Variants in CBFA2T2 observed in about 807,000 individuals in gnomAD.
The protein encoded by CBFA2T2 is CBFA2/RUNX1 partner transcriptional co-repressor 2, also known as protein CBFA2T2.
CBFA2T2 carries 11 observed loss-of-function variants against 62.2 expected under a neutral mutation model. That is an observed-to-expected ratio of 0.18 (90% confidence interval 0.11 to 0.29). The LOEUF (loss-of-function observed/expected upper bound fraction) is 0.29. CBFA2T2 is among the 10% of genes least tolerant of loss of function. The probability of loss-of-function intolerance (pLI) is 1.00; values close to 1 mark genes in which losing one functional copy is unlikely to be tolerated. For missense variants in CBFA2T2, 592 were observed against 774.1 expected, an observed-to-expected ratio of 0.76 and a Z score of 2.79; for synonymous variants, 295 against 287.5, an observed-to-expected ratio of 1.03 and a Z score of -0.27.
At chr20:33,569,560 A>T (rs1794644809) in intron 1 of CBFA2T2, among the ~76,000 whole-genome samples, 1 of 151,930 alleles carries the variant, frequency 6.6e-6, no homozygotes, top group African/African-American at 2.4e-5. Flanking sequence ...GTTGTTATTG[A>T]CTCCTGATGA....
chr20:33,563,840 G>T (rs971261123), intron 1 of CBFA2T2, among the ~76,000 whole-genome samples: 3 of 152,072 alleles, frequency 2.0e-5, no homozygotes, highest in Admixed American at 6.6e-5. Context: ...AATGGGTCTG[G>T]CCTGTAGTTC....
rs1478310686 is a variant in CBFA2T2, at chr20:33,623,256, A to G, written c.652A>G (p.Met218Val). Residue 218 changes from methionine to valine, a missense_variant, in exon 5 of 11, where the codon ATG becomes GTG. Coordinates refer to ENST00000342704, the MANE Select transcript of CBFA2T2 (RefSeq NM_001032999.3). ...GCCTGCTGACTCGTCAGAGTTGCTC[A>G]TGGAGGTGCACGGAAATGGGAAGAG... is the stretch of plus-strand genomic sequence containing the variant. ...ASPADSSELL[M>V]EVHGNGKRPS... 1.2e-6 allele frequency: 2 copies of G among 1,614,114 alleles called. No individual in the cohort carries two copies. The highest frequency in any genetic ancestry group is 1.7e-6 in the Non-Finnish European group (2 of 1,180,044).
intron 10 of CBFA2T2, among the ~76,000 whole-genome samples, chr20:33,641,921 G>A (rs1283702606): frequency 1.3e-5 from 2 of 150,452 alleles, no homozygotes; most frequent in African/African-American, 2.5e-5. Context: ...TAATTTAAAT[G>A]GTCCATTTCA....
chr20:33,649,438 C>A lies in CBFA2T2; in HGVS notation c.*4792C>A, dbSNP rs532865850. The A allele has an allele frequency of 6.5e-6, 1 of 152,792 alleles. No homozygotes were observed. Among genetic ancestry groups the A allele is most frequent in the African/African-American group, 2.4e-5 (1 of 41,580 alleles). 9.5% of individuals were successfully genotyped at this position (152,792 alleles called of 1,614,324 possible). ...TTTCCAAAGATGATGGTGCAGGTGA[C>A]CTTTTCCATCGTGAGCTAAGAGAAG... On this transcript the variant is annotated 3_prime_UTR_variant, in exon 11 of 11. Coordinates refer to ENST00000342704, the MANE Select transcript of CBFA2T2 (RefSeq NM_001032999.3).
chr20:33,546,698 T>C (rs2012581082), intron 1 of CBFA2T2, among the ~76,000 whole-genome samples: 1 of 151,984 alleles, frequency 6.6e-6, no homozygotes, highest in South Asian at 2.1e-4. Flanking sequence ...TCTCCCTCTG[T>C]TTCCCAGGCT....
chr20:33,600,357 A>G (rs1268270699), intron 1 of CBFA2T2: 3 of 236,516 alleles, frequency 1.3e-5, no homozygotes, highest in South Asian at 7.2e-5. Context: ...ATGCCCAGCT[A>G]ATTTTTGTTT....
chr20:33,581,490 GTGTGTGTGTGTC>G (rs1363592932), intron 1 of CBFA2T2, among the ~76,000 whole-genome samples: 1 of 152,120 alleles, frequency 6.6e-6, no homozygotes, highest in Non-Finnish European at 1.5e-5. Flanking sequence ...TTGTGTGTGT[GTGTGTGTGTGTC>G]TGTGTGTTTG....
At chr20:33,542,967 TTTC>T (rs1287331024) in intron 1 of CBFA2T2, among the ~76,000 whole-genome samples, 1 of 146,738 alleles carries the variant, frequency 6.8e-6, no homozygotes, top group African/African-American at 2.5e-5. Flanking sequence ...TGCCCGGCTA[TTTC>T]TTACTAATAC....
intron 1 of CBFA2T2, among the ~76,000 whole-genome samples, chr20:33,498,224 G>A (rs1052485770): frequency 4.7e-5 from 7 of 150,236 alleles, no homozygotes; most frequent in African/African-American, 1.5e-4. Context: ...GAACCACTGT[G>A]CCTGGCCCAG....
rs527743791 is a variant in CBFA2T2, at chr20:33,647,354, G to A, written c.*2708G>A. 8 of 152,174 alleles carry A rather than the reference G, an allele frequency of 5.3e-5. No homozygotes were observed. The highest frequency in any genetic ancestry group is 1.7e-4 in the African/African-American group (7 of 41,410). The allele number at this position is 152,174 out of a possible 1,614,324, so 9.4% of individuals were successfully genotyped here. A position where few individuals can be genotyped will look rare whatever the true frequency, so the allele number is the denominator to read the frequency against. On this transcript the variant is annotated 3_prime_UTR_variant, in exon 11 of 11. Coordinates refer to ENST00000342704, the MANE Select transcript of CBFA2T2 (RefSeq NM_001032999.3). ...GGCTGGAGTGCAATCGCGCAATCTC[G>A]GCTCACGGTAACCTCTGCCTCCCAG...
chr20:33,502,475 C>CG (rs1212164592), intron 1 of CBFA2T2, among the ~76,000 whole-genome samples: 31 of 151,642 alleles, frequency 2.0e-4, no homozygotes, highest in Non-Finnish European at 4.0e-4. Context: ...GGCCCGATCT[C>CG]GGCTCACTGC....
chr20:33,519,986 A>G (rs144661573), intron 1 of CBFA2T2, among the ~76,000 whole-genome samples: 1 of 152,160 alleles, frequency 6.6e-6, no homozygotes, highest in South Asian at 2.1e-4. Context: ...CATCTCTACT[A>G]AAAATAAAAA....
intron 10 of CBFA2T2, among the ~76,000 whole-genome samples, chr20:33,643,795 AT>A: frequency 8.9e-5 from 2 of 22,366 alleles, no homozygotes; most frequent in African/African-American, 2.0e-4. Context: ...ATATATATAT[AT>A]ATATATATAT....
At chr20:33,572,500 A>G (rs1287346502) in intron 1 of CBFA2T2, among the ~76,000 whole-genome samples, 1 of 152,224 alleles carries the variant, frequency 6.6e-6, no homozygotes, top group Non-Finnish European at 1.5e-5. Context: ...ACAAAAAAAT[A>G]TGTATATGAA....
At chr20:33,569,925 G>A (rs898314205) in intron 1 of CBFA2T2, among the ~76,000 whole-genome samples, 1 of 152,072 alleles carries the variant, frequency 6.6e-6, no homozygotes, top group African/African-American at 2.4e-5. Flanking sequence ...CAGGCCCTAT[G>A]GTGTGTGCCT....
chr20:33,639,319 A>G (rs2016737779), intron 9 of CBFA2T2: 1 of 152,430 alleles, frequency 6.6e-6, no homozygotes, highest in African/African-American at 2.4e-5. Context: ...TCATGCCTGT[A>G]ATCCCAGCAC....
At chr20:33,547,695 G>A (rs2012621010) in intron 1 of CBFA2T2, among the ~76,000 whole-genome samples, 1 of 140,588 alleles carries the variant, frequency 7.1e-6, no homozygotes, top group Admixed American at 7.0e-5. Flanking sequence ...AAATGTGTGT[G>A]TGTGTGTGTG....
At chr20:33,495,637 G>T (rs768493952) in intron 1 of CBFA2T2, among the ~76,000 whole-genome samples, 10 of 152,098 alleles carry the variant, frequency 6.6e-5, no homozygotes, top group Non-Finnish European at 1.3e-4. Flanking sequence ...GTTGCAGTGT[G>T]CTGAGATCGT....
At position 33,624,269 on chromosome 20, in the gene CBFA2T2, A is replaced by T. The variant is rs1257390258; in HGVS notation, c.693-495A>T. On this transcript the variant is annotated intron_variant, in intron 5 of 10. Transcript: ENST00000342704. Reference sequence around the variant, plus strand: ...AAAAAAAAAAAAGAAAATTTATTACAGTTGAATCTGAGTGACTGAAAACCC... The same window carrying T: ...AAAAAAAAAAAAGAAAATTTATTACTGTTGAATCTGAGTGACTGAAAACCC... Among the ~76,000 whole-genome samples, 8 of 150,808 alleles carry T rather than the reference A, an allele frequency of 5.3e-5. No individual in the cohort carries two copies. In the East Asian group the frequency reaches 1.5e-3, roughly 29 times the overall value.
Sources: gnomAD v4.1 joint callset for allele counts (sites outside exome capture counted in the v4.1 genomes callset) on GRCh38, gnomAD v4.1.1 for gene constraint, MANE v1.5 for transcripts, NCBI Gene and HGNC (gene_info 2026-07-23, HGNC 2026-07-21) for gene names.